The following LPP variants were observed in gnomAD, a reference collection of about 807,000 sequenced individuals.
LPP encodes LIM domain containing preferred translocation partner in lipoma, also known as lipoma-preferred partner.
In LPP, 38 loss-of-function variants were observed where a neutral mutation model predicts 60.4. That is an observed-to-expected ratio of 0.63 (90% CI 0.49 to 0.83). The LOEUF (loss-of-function observed/expected upper bound fraction) is 0.83, where lower values mean the gene tolerates loss of function less well. Ranked by LOEUF, LPP falls within the 40% of genes least tolerant of loss-of-function variation. The probability of loss-of-function intolerance (pLI) is 0.00; values close to 1 mark genes in which losing one functional copy is unlikely to be tolerated. For missense variants in LPP, 902 were observed against 783.6 expected (o/e 1.15, Z -1.80); for synonymous variants, 328 against 290.8 (o/e 1.13, Z -1.30).
intron 2 of LPP, among the ~76,000 whole-genome samples, chr3:188,320,327 A>G (rs1176972731): frequency 6.6e-6 from 1 of 152,220 alleles, no homozygotes; most frequent in Non-Finnish European, 1.5e-5. Flanking sequence ...TCAAAGTTCA[A>G]TTAGAAAATT....
chr3:188,329,025 A>G (rs1188839976), intron 2 of LPP, among the ~76,000 whole-genome samples: 1 of 152,098 alleles, frequency 6.6e-6, no homozygotes, highest in Non-Finnish European at 1.5e-5. Context: ...ACCCACTGTT[A>G]TTTTTGTAGC....
chr3:188,559,845 C>T (rs932622534), intron 6 of LPP, among the ~76,000 whole-genome samples: 1 of 152,122 alleles, frequency 6.6e-6, no homozygotes, highest in Non-Finnish European at 1.5e-5. Flanking sequence ...GAATGTAACA[C>T]TGTTCCCCCA....
intron 9 of LPP, among the ~76,000 whole-genome samples, chr3:188,847,760 A>T (rs1761808701): frequency 6.6e-6 from 1 of 152,252 alleles, no homozygotes; most frequent in South Asian, 2.1e-4. Context: ...TGGGCTTATA[A>T]CTGTAAATGA....
At chr3:188,667,022 T>G (rs1855933312) in intron 7 of LPP, among the ~76,000 whole-genome samples, 1 of 152,228 alleles carries the variant, frequency 6.6e-6, no homozygotes. Context: ...CTTAAGATTT[T>G]GAGGTTGCTG....
chr3:188,678,975 A>G (rs960443677), intron 7 of LPP, among the ~76,000 whole-genome samples: 1 of 152,238 alleles, frequency 6.6e-6, no homozygotes, highest in Non-Finnish European at 1.5e-5. Flanking sequence ...AGTGGATTGA[A>G]TGAGAACACA....
intron 2 of LPP, among the ~76,000 whole-genome samples, chr3:188,341,444 C>T (rs1763031040): frequency 1.3e-5 from 2 of 152,196 alleles, no homozygotes; most frequent in Non-Finnish European, 2.9e-5. Flanking sequence ...CTTTCTCATC[C>T]TTTCTGTCCC....
At chr3:188,232,371 G>C (rs1405668008) in intron 2 of LPP, among the ~76,000 whole-genome samples, 5 of 151,628 alleles carry the variant, frequency 3.3e-5, no homozygotes, top group Non-Finnish European at 7.4e-5. Flanking sequence ...TTTTGAGATG[G>C]AGTCTCACTG....
At chr3:188,699,336 T>G (rs1306455331) in intron 7 of LPP, among the ~76,000 whole-genome samples, 1 of 152,170 alleles carries the variant, frequency 6.6e-6, no homozygotes, top group Non-Finnish European at 1.5e-5. Context: ...CAGGGCCCCC[T>G]GACTGGATGC....
At chr3:188,565,179 T>C (rs1580004940) in intron 6 of LPP, among the ~76,000 whole-genome samples, 1 of 151,992 alleles carries the variant, frequency 6.6e-6, no homozygotes, top group East Asian at 1.9e-4. Flanking sequence ...AGTGCAGAAT[T>C]ACCTGTTACA....
intron 8 of LPP, among the ~76,000 whole-genome samples, chr3:188,717,566 T>G (rs1420441209): frequency 6.6e-6 from 1 of 152,068 alleles, no homozygotes; most frequent in Non-Finnish European, 1.5e-5. Flanking sequence ...TTGTATTGAT[T>G]TGGGGGGAAA....
Position 188,286,539 on chromosome 3 carries a change from G to A in LPP, c.-66-55124G>A, listed in dbSNP as rs528632306. Among the ~76,000 whole-genome samples, 10 of 152,272 alleles carry A rather than the reference G, an allele frequency of 6.6e-5. No homozygotes were observed. The South Asian group carries it at 1.9e-3, about 28-fold the overall frequency. On this transcript the variant is annotated intron_variant, in intron 2 of 11. Transcript: ENST00000617246. The stretch of plus-strand genomic sequence containing the variant: ...CTCTGTTACTGCTTTATGGGGTTTA[G>A]TGTGGAAATTAAAGAAGAGAACTTC...
At chr3:188,869,458 T>C (rs1239556520) in intron 10 of LPP, among the ~76,000 whole-genome samples, 1 of 152,106 alleles carries the variant, frequency 6.6e-6, no homozygotes, top group Non-Finnish European at 1.5e-5. Flanking sequence ...GCCTGGCTAA[T>C]TTTTATATTT....
chr3:188,655,195 AGTC>A (rs1327536869), intron 7 of LPP, among the ~76,000 whole-genome samples: 3 of 152,114 alleles, frequency 2.0e-5, no homozygotes, highest in Non-Finnish European at 4.4e-5. Context: ...TCCATGTTCT[AGTC>A]ACTTGAACAT....
chr3:188,263,446 C>T (rs184772459), intron 2 of LPP, among the ~76,000 whole-genome samples: 210 of 152,174 alleles, frequency 1.4e-3, no homozygotes, highest in Admixed American at 3.5e-3. Flanking sequence ...AGCGTGGACT[C>T]CTCCATCTGG....
At chr3:188,257,997 A>G (rs1368457992) in intron 2 of LPP, among the ~76,000 whole-genome samples, 3 of 152,234 alleles carry the variant, frequency 2.0e-5, no homozygotes, top group African/African-American at 7.2e-5. Context: ...TTACAGTGAT[A>G]AGTAAAACCA....
intron 2 of LPP, among the ~76,000 whole-genome samples, chr3:188,308,840 T>TTTCTTCTTG: frequency 7.1e-6 from 1 of 140,322 alleles, no homozygotes; most frequent in African/African-American, 2.6e-5. Context: ...TGAGTTGTTG[T>TTTCTTCTTG]TTCTTCTTGT....
chr3:188,351,396 C>G (rs779463134), intron 3 of LPP, among the ~76,000 whole-genome samples: 1 of 152,174 alleles, frequency 6.6e-6, no homozygotes, highest in African/African-American at 2.4e-5. Flanking sequence ...GTGCCCACAT[C>G]TCACCAAGCA....
At chr3:188,306,208 G>A (rs1363088594) in intron 2 of LPP, among the ~76,000 whole-genome samples, 1 of 151,650 alleles carries the variant, frequency 6.6e-6, no homozygotes, top group Non-Finnish European at 1.5e-5. Flanking sequence ...AGCCTCCCAA[G>A]TAGCTGGGAT....
intron 5 of LPP, among the ~76,000 whole-genome samples, chr3:188,505,318 A>G (rs1009147318): frequency 2.6e-5 from 4 of 152,096 alleles, no homozygotes; most frequent in African/African-American, 9.7e-5. Context: ...CATGCCTGCA[A>G]CTATTCCTTT....
Sources: allele counts gnomAD v4.1 joint callset (sites outside exome capture counted in the v4.1 genomes callset), GRCh38; gene constraint gnomAD v4.1.1; transcripts MANE v1.5; gene names NCBI Gene and HGNC (gene_info 2026-07-23, HGNC 2026-07-21).